CLCN5: variants seen among roughly 807,000 people sequenced by gnomAD.
The protein encoded by CLCN5 is Cl-/H+ antiporter 5.
In CLCN5, 17 loss-of-function variants were observed where a neutral mutation model predicts 54.0. That is an observed-to-expected ratio of 0.31 (90% CI 0.22 to 0.47). CLCN5 has a LOEUF of 0.47. Among genes scored for constraint, CLCN5 ranks in the 20% least tolerant of loss-of-function variants. The pLI, the probability that CLCN5 is intolerant of heterozygous loss-of-function variation, is 1.00. For synonymous variants in CLCN5, 222 were observed against 233.0 expected (o/e 0.95, Z 0.43); for missense variants, 448 against 646.7 (o/e 0.69, Z 3.33).
intron 3 of CLCN5, among the ~76,000 whole-genome samples, chrX:49,993,612 G>A (rs1489678498): frequency 8.9e-6 from 1 of 112,668 alleles, no homozygotes; most frequent in South Asian, 3.7e-4. Flanking sequence ...GAGGGTCTGA[G>A]TAAATTTGCC....
chrX:50,056,751 CA>C (rs1932756137), intron 4 of CLCN5, among the ~76,000 whole-genome samples: 1 of 111,920 alleles, frequency 8.9e-6, no homozygotes, highest in Non-Finnish European at 1.9e-5. Context: ...GAGCTGTATC[CA>C]CTGGGAGTAA....
In CLCN5 at chrX:50,090,653, T is replaced by C; in HGVS notation, c.2144-17T>C. The C allele has an allele frequency of 8.3e-7, 1 of 1,197,691 alleles. No homozygotes were observed. Among genetic ancestry groups the C allele is most frequent in the South Asian group, 1.8e-5 (1 of 55,415 alleles). On this transcript the variant is annotated splice_polypyrimidine_tract_variant and intron_variant, in intron 13 of 14. Coordinates refer to ENST00000376091, the MANE Select transcript of CLCN5 (RefSeq NM_001127898.4). ...GCACGTCCATCTTCAATTTGTTTTT[T>C]CCTTCTGTTTGAATAGAAAATGCTC...
intron 11 of CLCN5, among the ~76,000 whole-genome samples, chrX:50,088,157 A>C (rs1399997709): frequency 2.7e-5 from 3 of 112,204 alleles, no homozygotes; most frequent in Non-Finnish European, 5.6e-5. Context: ...TTTAAATCCC[A>C]GCACCAGTCT....
chrX:49,946,852 G>A (rs1221826631), intron 3 of CLCN5, among the ~76,000 whole-genome samples: 1 of 109,983 alleles, frequency 9.1e-6, no homozygotes, highest in Non-Finnish European at 1.9e-5. Flanking sequence ...TTTTGAGATG[G>A]AGTTTCGCTC....
chrX:49,940,664 A>G (rs1926278520), intron 3 of CLCN5, among the ~76,000 whole-genome samples: 1 of 112,307 alleles, frequency 8.9e-6, no homozygotes, highest in African/African-American at 3.2e-5. Flanking sequence ...GAAAGAATAT[A>G]GCATTTTGGC....
At position 49,982,760 on chromosome X, in the gene CLCN5, C is replaced by T. The variant is rs185017167; in HGVS notation, c.16+57446C>T. ...ATCTCTTACAAATTCTTGTCTTTCT[C>T]CTTTGTTTCTGTTTGTGTGTGTGTA... is the stretch of plus-strand genomic sequence containing the variant. On this transcript the variant is annotated intron_variant, in intron 3 of 14. Transcript: ENST00000376091. Among the ~76,000 whole-genome samples the T allele has an allele frequency of 8.1e-5, 9 of 111,720 alleles. No homozygotes were observed. The East Asian group carries it at 2.5e-3, about 31-fold the overall frequency.
rs782031818 is a variant in CLCN5, at chrX:50,086,667, A to G, written c.1354A>G (p.Ser452Gly). The change falls in exon 11 of 15, where the codon AGT becomes GGT. Residue 452 changes from serine (S) to glycine (G), a missense_variant. By Grantham distance (56) the Ser-to-Gly change is moderately conservative. Coordinates refer to ENST00000376091, the MANE Select transcript of CLCN5 (RefSeq NM_001127898.4). Reference protein sequence around the residue: ...FPNEYTRMSTSELISELFNDC... With the variant: ...FPNEYTRMSTGELISELFNDC... ...CAATGAATACACTCGGATGAGCACAAGTGAGCTCATTTCTGAGCTGTTTAA... is the reference window on the plus strand; with the variant it reads ...CAATGAATACACTCGGATGAGCACAGGTGAGCTCATTTCTGAGCTGTTTAA... 2.5e-5 allele frequency: 30 copies of G among 1,207,963 alleles called. No individual in the cohort carries two copies. Among genetic ancestry groups the G allele is most frequent in the Non-Finnish European group, 3.4e-5 (30 of 894,459 alleles).
intron 6 of CLCN5, among the ~76,000 whole-genome samples, chrX:50,075,571 G>A (rs1395216477): frequency 9.0e-6 from 1 of 111,180 alleles, no homozygotes; most frequent in African/African-American, 3.3e-5. Flanking sequence ...TCCCTTCTAT[G>A]TAGAAATTCC....
intron 3 of CLCN5, among the ~76,000 whole-genome samples, chrX:49,962,977 G>A (rs1010185927): frequency 8.9e-6 from 1 of 111,809 alleles, no homozygotes; most frequent in African/African-American, 3.2e-5. Context: ...GGTAAAAGGG[G>A]TACAGACTTA....
At chrX:50,026,678 T>C (rs2147443119) in intron 3 of CLCN5, among the ~76,000 whole-genome samples, 1 of 112,005 alleles carries the variant, frequency 8.9e-6, no homozygotes, top group South Asian at 3.8e-4. Context: ...GAAATTAATA[T>C]ACCTACTCCA....
chrX:50,067,311 C>G (rs957481293), intron 4 of CLCN5, among the ~76,000 whole-genome samples: 1 of 111,142 alleles, frequency 9.0e-6, no homozygotes, highest in Non-Finnish European at 1.9e-5. Flanking sequence ...TGCCTTTCTC[C>G]CTTTTATACT....
chrX:49,966,601 T>TA (rs1927879177), intron 3 of CLCN5, among the ~76,000 whole-genome samples: 2 of 15,991 alleles, frequency 1.3e-4, no homozygotes, highest in African/African-American at 4.5e-4. Flanking sequence ...TTTTTTTTTT[T>TA]TTTTTTTTTT....
intron 3 of CLCN5, among the ~76,000 whole-genome samples, chrX:50,036,584 G>T (rs782511944): frequency 8.9e-6 from 1 of 111,852 alleles, no homozygotes; most frequent in East Asian, 2.8e-4. Flanking sequence ...AGAACAATAG[G>T]TACACCCATC....
intron 4 of CLCN5, among the ~76,000 whole-genome samples, chrX:50,056,700 G>C (rs1173754411): frequency 9.0e-6 from 1 of 111,645 alleles, no homozygotes; most frequent in African/African-American, 3.3e-5. Context: ...AGGACTACAA[G>C]AGATACACCC....
intron 3 of CLCN5, among the ~76,000 whole-genome samples, chrX:49,940,231 G>A (rs1557170555): frequency 2.7e-5 from 3 of 111,872 alleles, no homozygotes; most frequent in Non-Finnish European, 1.9e-5. Context: ...ACTCTCCAAA[G>A]TGTCCTGGTT....
intron 3 of CLCN5, among the ~76,000 whole-genome samples, chrX:49,962,082 A>G (rs1330374016): frequency 8.9e-6 from 1 of 112,221 alleles, no homozygotes; most frequent in African/African-American, 3.2e-5. Flanking sequence ...CTAAGCTTTC[A>G]AAGTCAGTAG....
At chrX:49,945,873 C>T (rs1304959091) in intron 3 of CLCN5, among the ~76,000 whole-genome samples, 1 of 109,420 alleles carries the variant, frequency 9.1e-6, no homozygotes, top group Non-Finnish European at 1.9e-5. Flanking sequence ...TCTCCTGCCT[C>T]AGCCTCCTGA....
At chrX:49,998,640 C>G (rs1235545620) in intron 3 of CLCN5, among the ~76,000 whole-genome samples, 2 of 111,086 alleles carry the variant, frequency 1.8e-5, no homozygotes, top group Non-Finnish European at 3.8e-5. Context: ...TGTGCCTTCT[C>G]TACTTCCCTC....
intron 3 of CLCN5, among the ~76,000 whole-genome samples, chrX:50,007,440 T>TCACACACACACA (rs1198364892): frequency 2.9e-5 from 2 of 69,535 alleles, no homozygotes; most frequent in African/African-American, 1.1e-4. Context: ...TCTCTCTCTG[T>TCACACACACACA]CACACACACA....
Sources: allele counts gnomAD v4.1 joint callset (sites outside exome capture counted in the v4.1 genomes callset), GRCh38; gene constraint gnomAD v4.1.1; transcripts MANE v1.5; gene names NCBI Gene and HGNC (gene_info 2026-07-23, HGNC 2026-07-21).